Variants in TMEM79 observed in about 807,000 individuals in gnomAD.
TMEM79 encodes mattrin.
In TMEM79, 30 loss-of-function variants were observed where a neutral mutation model predicts 31.2. The observed-to-expected ratio is 0.96, with a 90% CI of 0.72 to 1.30. The LOEUF is 1.30. Ranked by LOEUF, TMEM79 falls within the 50% of genes most tolerant of loss-of-function variation. TMEM79 has a pLI of 0.00. For synonymous variants in TMEM79, 213 were observed against 229.5 expected, an observed-to-expected ratio of 0.93 and a Z score of 0.65; for missense variants, 509 against 528.2, an observed-to-expected ratio of 0.96 and a Z score of 0.36.
Position 156,285,877 on chromosome 1 carries a change from G to C in TMEM79, c.651G>C (p.Gly217=). 6.2e-7 allele frequency: 1 copy of C among 1,613,836 alleles called. No homozygotes were observed. Among genetic ancestry groups the C allele is most frequent in the Non-Finnish European group, 8.5e-7 (1 of 1,179,980 alleles). The change falls in exon 2 of 4, where the codon GGG becomes GGC. Residue 217 remains glycine (G), a synonymous_variant. Coordinates refer to ENST00000405535, the MANE Select transcript of TMEM79 (RefSeq NM_032323.3). ...ALILFPCLLY[G]AYAFLPFDVP... Reference sequence around the variant, plus strand: ...TTCTCTTCCCTTGCCTACTATACGGGGCATATGCCTTCCTGCCGTTTGATG... The same window carrying C: ...TTCTCTTCCCTTGCCTACTATACGGCGCATATGCCTTCCTGCCGTTTGATG...
In TMEM79 at chr1:156,285,292, A is replaced by T. The variant is rs1486090443; in HGVS notation, c.66A>T (p.Ser22=). Residue 22 remains serine (S), a synonymous_variant, in exon 2 of 4, where the codon TCA becomes TCT. Coordinates refer to ENST00000405535, the MANE Select transcript of TMEM79 (RefSeq NM_032323.3). Reference sequence around the variant, plus strand: ...GGTCTGATTCCCCAGAGAAGAGCTCACCCCAGGCCTTGGTTCCCAATGGCC... The same window carrying T: ...GGTCTGATTCCCCAGAGAAGAGCTCTCCCCAGGCCTTGGTTCCCAATGGCC... ...VKRSDSPEKS[S]PQALVPNGRQ... 2 of 1,573,178 alleles carry T rather than the reference A, an allele frequency of 1.3e-6. No individual in the cohort carries two copies. The highest frequency in any genetic ancestry group is 1.7e-6 in the Non-Finnish European group (2 of 1,163,056).
intron 1 of TMEM79, among the ~76,000 whole-genome samples, 157 bp from the exon 2 acceptor site, chr1:156,285,023 CCTCT>C (rs932593416): frequency 6.6e-6 from 1 of 152,144 alleles, no homozygotes; most frequent in Non-Finnish European, 1.5e-5. Flanking sequence ...TTCCCTCCTC[CCTCT>C]GTTTCAGTGT....
At chr1:156,286,114 C>A in intron 2 of TMEM79, 131 bp downstream of exon 2, 1 of 1,408,052 alleles carries the variant, frequency 7.1e-7, no homozygotes, top group Non-Finnish European at 9.7e-7. Context: ...CCCTGCCAGT[C>A]TGCATGCCCA....
At chr1:156,290,749 A>C (rs955424939) in intron 3 of TMEM79, 16 of 151,032 alleles carry the variant, frequency 1.1e-4, no homozygotes, top group African/African-American at 3.9e-4. Context: ...GAATTGCTTG[A>C]ACCCGGGAGG....
In TMEM79 at chr1:156,285,714, G is replaced by C; in HGVS notation, c.488G>C (p.Arg163Pro). 1.6e-5 allele frequency: 26 copies of C among 1,613,152 alleles called. No individual in the cohort carries two copies. Among genetic ancestry groups the C allele is most frequent in the Non-Finnish European group, 2.0e-5 (24 of 1,180,000 alleles). ...GAGTGCCGAACCTTCATGCCCCCCC[G>C]GGTCACCCACCCCGACCCCACTGAG... The part of the protein sequence containing the change: ...EGECRTFMPP[R>P]VTHPDPTERK... The change falls in exon 2 of 4, where the codon CGG (arginine) becomes CCG (proline). Residue 163 changes from arginine (R) to proline (P), a missense_variant. Transcript: ENST00000405535.
At chr1:156,289,680 C>T (rs1474933665) in intron 3 of TMEM79, among the ~76,000 whole-genome samples, 2 of 152,186 alleles carry the variant, frequency 1.3e-5, no homozygotes, top group East Asian at 3.8e-4. Context: ...CTTCCTAGTG[C>T]AGAAGAGAAG....
chr1:156,284,506 AG>A (rs1663090184), intron 1 of TMEM79, 100 bp downstream of exon 1: 1 of 152,594 alleles, frequency 6.6e-6, no homozygotes. Flanking sequence ...GGAGGGCAGC[AG>A]GGAGGAGAGA....
chr1:156,285,200 G>C lies in TMEM79; in HGVS notation c.-27G>C. On this transcript the variant is annotated 5_prime_UTR_variant, in exon 2 of 4. Transcript: ENST00000405535. ...TCCCTGCAGGATGACATGACCTTGT[G>C]GTAGATCCCAGAACTGAGGCCCCAG... is the stretch of plus-strand genomic sequence containing the variant. 6.6e-7 allele frequency: 1 copy of C among 1,517,184 alleles called. No homozygotes were observed. Among genetic ancestry groups the C allele is most frequent in the South Asian group, 1.3e-5 (1 of 74,478 alleles). 94.0% of individuals were successfully genotyped at this position (1,517,184 alleles called of 1,614,324 possible).
At chr1:156,282,941 A>G (rs1418574803), upstream of TMEM79, 2 of 540,904 alleles carry the variant, frequency 3.7e-6, no homozygotes, top group East Asian at 3.1e-5. Flanking sequence ...TGCCAGAACT[A>G]ACTCTGGGCA....
chr1:156,286,050 G>A, intron 2 of TMEM79, 67 bp downstream of exon 2: 1 of 1,543,734 alleles, frequency 6.5e-7, no homozygotes, highest in Admixed American at 1.9e-5. Context: ...TGGCTGGTGT[G>A]GGGAGCAGGA....
chr1:156,286,007 G>A (rs1008236769), intron 2 of TMEM79, 24 bp downstream of exon 2: 1 of 1,579,930 alleles, frequency 6.3e-7, no homozygotes, highest in Non-Finnish European at 8.6e-7. Flanking sequence ...AAGAAAGGGG[G>A]CATCGGGAAG....
chr1:156,287,606 C>CTTTTTTT (rs745468403), intron 3 of TMEM79, among the ~76,000 whole-genome samples: 2 of 72,640 alleles, frequency 2.8e-5, no homozygotes, highest in Admixed American at 2.1e-4. Flanking sequence ...TTACTCTCCA[C>CTTTTTTT]TTTTTTTTTT....
chr1:156,284,666 G>A (rs1418961711), intron 1 of TMEM79, among the ~76,000 whole-genome samples: 1 of 152,180 alleles, frequency 6.6e-6, no homozygotes, highest in African/African-American at 2.4e-5. Flanking sequence ...GCCTGGAACT[G>A]CCAGCTCTTT....
At chr1:156,283,126 C>T (rs1663046819), upstream of TMEM79, 1 of 323,410 alleles carries the variant, frequency 3.1e-6, no homozygotes, top group Admixed American at 5.0e-5. Context: ...GTCCATCCTT[C>T]TGCCCCTTTC....
chr1:156,282,936 G>A (rs1444057251), upstream of TMEM79: 1 of 550,112 alleles, frequency 1.8e-6, no homozygotes, highest in Non-Finnish European at 3.2e-6. Flanking sequence ...GAAGTTGCCA[G>A]AACTAACTCT....
chr1:156,288,197 CAAA>C (rs537121886), intron 3 of TMEM79, among the ~76,000 whole-genome samples: 4 of 56,906 alleles, frequency 7.0e-5, no homozygotes, highest in Admixed American at 1.9e-4. Flanking sequence ...GACTCCGTCT[CAAA>C]AAAAAAAAAA....
chr1:156,285,147 A>G, intron 1 of TMEM79, 37 bp from the exon 2 acceptor site: 4 of 1,486,114 alleles, frequency 2.7e-6, no homozygotes, highest in Non-Finnish European at 3.6e-6. Context: ...ACTAGAAGAC[A>G]GGGGTTTCTG....
chr1:156,287,411 G>T (rs555052377), intron 3 of TMEM79, among the ~76,000 whole-genome samples: 117 of 152,088 alleles, frequency 7.7e-4, no homozygotes, highest in Non-Finnish European at 8.2e-4. Context: ...GTGAGACTCC[G>T]TCTCAAACAA....
intron 3 of TMEM79, chr1:156,290,064 T>TAAATA (rs1663273354): frequency 6.6e-6 from 1 of 152,146 alleles, no homozygotes; most frequent in Non-Finnish European, 1.5e-5. Context: ...TGCAAGAGGA[T>TAAATA]AAATACAATG....
Sources: allele counts gnomAD v4.1 joint callset (sites outside exome capture counted in the v4.1 genomes callset), GRCh38; gene constraint gnomAD v4.1.1; transcripts MANE v1.5; gene names NCBI Gene and HGNC (gene_info 2026-07-23, HGNC 2026-07-21).